The following INSR variants were observed in gnomAD, a reference collection of about 807,000 sequenced individuals.
The protein encoded by INSR is insulin receptor.
INSR carries 67 observed loss-of-function variants against 142.6 expected under a neutral mutation model. The ratio of observed to expected loss-of-function variants is 0.47; its 90% CI spans 0.39 to 0.58. INSR has a LOEUF of 0.58. Ranked by LOEUF, INSR falls within the 20% of genes least tolerant of loss-of-function variation. The probability of loss-of-function intolerance (pLI) is 0.00; values close to 1 mark genes in which losing one functional copy is unlikely to be tolerated. For missense variants in INSR, 1,248 were observed against 1,833.2 expected (o/e 0.68, Z 5.83); for synonymous variants, 756 against 743.1 (o/e 1.02, Z -0.28).
At chr19:7,139,863 G>A (rs923471220) in intron 13 of INSR, among the ~76,000 whole-genome samples, 6 of 115,884 alleles carry the variant, frequency 5.2e-5, no homozygotes, top group Admixed American at 2.6e-4. Context: ...TTGTTCTGTC[G>A]CCCAGGCTGG....
chr19:7,197,361 G>T (rs1276313609), intron 2 of INSR, among the ~76,000 whole-genome samples: 3 of 152,218 alleles, frequency 2.0e-5, no homozygotes, highest in Admixed American at 2.0e-4. Flanking sequence ...AGTGAGTGGG[G>T]AGGGAGTGAG....
chr19:7,163,925 TAAAA>T (rs748862314), intron 8 of INSR, among the ~76,000 whole-genome samples: 4 of 44,588 alleles, frequency 9.0e-5, no homozygotes, highest in Admixed American at 2.9e-4. Flanking sequence ...CTATCTCTAC[TAAAA>T]AAAAAAAAAA....
intron 2 of INSR, among the ~76,000 whole-genome samples, chr19:7,188,955 A>G (rs1974505933): frequency 1.3e-5 from 2 of 152,160 alleles, no homozygotes; most frequent in East Asian, 1.9e-4. Flanking sequence ...CAAGAAATAA[A>G]CAGGATGACG....
chr19:7,260,264 C>T (rs1024329300), intron 2 of INSR, among the ~76,000 whole-genome samples: 4 of 152,102 alleles, frequency 2.6e-5, no homozygotes, highest in Admixed American at 6.6e-5. Context: ...GCTTTGGTGC[C>T]GACGTCCATA....
chr19:7,154,386 T>G (rs1973532155), intron 9 of INSR, among the ~76,000 whole-genome samples: 1 of 135,740 alleles, frequency 7.4e-6, no homozygotes, highest in African/African-American at 2.7e-5. Flanking sequence ...CACTGCAAGC[T>G]CCACCGCTTG....
intron 2 of INSR, among the ~76,000 whole-genome samples, chr19:7,251,259 T>C (rs1192509662): frequency 6.6e-6 from 1 of 151,966 alleles, no homozygotes; most frequent in East Asian, 1.9e-4. Context: ...TCAATTTATT[T>C]TATTGTGTTA....
chr19:7,271,234 A>G lies in INSR; in HGVS notation c.101-3338T>C, dbSNP rs759111049. Among the ~76,000 whole-genome samples, 40 of 152,232 alleles carry G rather than the reference A, an allele frequency of 2.6e-4. 1 individual carries two copies. Among genetic ancestry groups the G allele is most frequent in the Middle Eastern group, 6.8e-3 (2 of 294 alleles). ...AAATGGGCCGGGCACCGTGGCTCAC[A>G]CTTGTAATCCCAGTTCTTTGGGAAG... is the stretch of plus-strand genomic sequence containing the variant. On this transcript the variant is annotated intron_variant, in intron 1 of 21. Transcript: ENST00000302850.
At chr19:7,229,760 CTT>C (rs71177180) in intron 2 of INSR, among the ~76,000 whole-genome samples, 886 of 87,530 alleles carry the variant, frequency 0.01, 5 homozygotes, top group African/African-American at 0.032. Flanking sequence ...CATTTACAGT[CTT>C]TTTTTTTTTT....
intron 1 of INSR, among the ~76,000 whole-genome samples, chr19:7,279,464 G>A (rs1968147662): frequency 6.7e-6 from 1 of 150,152 alleles, no homozygotes; most frequent in Non-Finnish European, 1.5e-5. Flanking sequence ...AAGAGAGTGA[G>A]GAGGGATCGT....
chr19:7,179,800 G>T (rs939676661), intron 3 of INSR, among the ~76,000 whole-genome samples: 4 of 152,176 alleles, frequency 2.6e-5, no homozygotes, highest in African/African-American at 7.2e-5. Context: ...CAGATAATAT[G>T]CTTTCCCAGT....
chr19:7,212,600 T>C (rs1332993724), intron 2 of INSR, among the ~76,000 whole-genome samples: 1 of 152,128 alleles, frequency 6.6e-6, no homozygotes, highest in African/African-American at 2.4e-5. Context: ...TTTGGGTTTT[T>C]TTGAGATGGA....
At chr19:7,228,992 T>TGGAC (rs1175321301) in intron 2 of INSR, among the ~76,000 whole-genome samples, 1 of 143,024 alleles carries the variant, frequency 7.0e-6, no homozygotes, top group Non-Finnish European at 1.5e-5. Flanking sequence ...GATGGATGGA[T>TGGAC]GGATGGATGG....
chr19:7,153,144 A>G (rs1394073508), intron 9 of INSR, among the ~76,000 whole-genome samples: 2 of 67,022 alleles, frequency 3.0e-5, no homozygotes, highest in South Asian at 5.0e-4. Context: ...CACCACACAC[A>G]CCACACAACA....
chr19:7,181,065 C>T (rs7245909), intron 3 of INSR, among the ~76,000 whole-genome samples: 12,327 of 151,978 alleles, frequency 0.081, 619 homozygotes, highest in African/African-American at 0.13. Flanking sequence ...CTCAGCCTCC[C>T]GAGTAGCTGG....
chr19:7,235,106 T>C (rs1210353729), intron 2 of INSR, among the ~76,000 whole-genome samples: 3 of 151,958 alleles, frequency 2.0e-5, no homozygotes, highest in African/African-American at 7.3e-5. Context: ...TTTCTGGAAA[T>C]AGACTTTTCA....
chr19:7,244,967 G>A (rs1486466097), intron 2 of INSR, among the ~76,000 whole-genome samples: 8 of 124,074 alleles, frequency 6.4e-5, no homozygotes, highest in African/African-American at 9.5e-5. Context: ...ATGGAGTCTC[G>A]CTCTGTCGCC....
intron 2 of INSR, among the ~76,000 whole-genome samples, chr19:7,193,775 C>T (rs1005393469): frequency 2.0e-5 from 3 of 152,014 alleles, no homozygotes; most frequent in Non-Finnish European, 4.4e-5. Context: ...CCGTAACCTC[C>T]GCCTCCCAGG....
intron 2 of INSR, among the ~76,000 whole-genome samples, chr19:7,215,999 A>T (rs983859036): frequency 6.6e-6 from 1 of 151,866 alleles, no homozygotes; most frequent in African/African-American, 2.4e-5. Context: ...TCCTAATCTC[A>T]TGGTCTCACC....
chr19:7,119,642 G>A lies in INSR; in HGVS notation c.3660-59C>T, dbSNP rs187956009. ...GCCATTTAGACACACACACACACGC[G>A]CGCGCGCAAACACACACACGCAAAC... On this transcript the variant is annotated intron_variant, in intron 20 of 21. Coordinates refer to ENST00000302850, the MANE Select transcript of INSR (RefSeq NM_000208.4). This position sits in a 1 kb window ranked among gnomAD's most constrained non-coding sequence, Gnocchi z 5.2. The A allele has an allele frequency of 0.089, 139,767 of 1,578,688 alleles. 6,541 individuals carry two copies. The highest frequency in any genetic ancestry group is 0.099 in the Non-Finnish European group (114,515 of 1,156,384).
Sources: gnomAD v4.1 joint callset for allele counts (sites outside exome capture counted in the v4.1 genomes callset) on GRCh38, gnomAD v4.1.1 for gene constraint, Gnocchi (gnomAD v3.1) non-coding constraint, MANE v1.5 for transcripts, NCBI Gene and HGNC (gene_info 2026-07-23, HGNC 2026-07-21) for gene names.